The following HNRNPA2B1 variants were observed in gnomAD, a reference collection of about 807,000 sequenced individuals.
HNRNPA2B1 encodes the protein heterogeneous nuclear ribonucleoproteins A2/B1.
A neutral mutation model predicts 46.3 loss-of-function variants in HNRNPA2B1; 3 were observed. The observed-to-expected ratio is 0.06, with a 90% confidence interval of 0.03 to 0.17. The LOEUF is 0.17. Among genes scored for constraint, HNRNPA2B1 ranks in the 10% least tolerant of loss-of-function variants. The pLI is 1.00. For missense variants in HNRNPA2B1, 221 were observed against 418.9 expected, an observed-to-expected ratio of 0.53 and a Z score of 4.12; for synonymous variants, 225 against 133.8, an observed-to-expected ratio of 1.68 and a Z score of -4.70.
At chr7:26,195,398 G>GA (rs1583982445) in intron 7 of HNRNPA2B1, among the ~76,000 whole-genome samples, 1 of 152,180 alleles carries the variant, frequency 6.6e-6, no homozygotes, top group Admixed American at 6.5e-5. Flanking sequence ...CTGCAGCCAG[G>GA]AGCACACTAA....
At chr7:26,200,085 AAAAT>A (rs1784215217) in intron 1 of HNRNPA2B1, 1 of 174,356 alleles carries the variant, frequency 5.7e-6, no homozygotes, top group Non-Finnish European at 1.3e-5. Flanking sequence ...GCACACTAAG[AAAAT>A]AAAAGAGTTA....
At chr7:26,193,109 A>C (rs1783098883) in intron 9 of HNRNPA2B1, 142 bp downstream of exon 9, 1 of 785,824 alleles carries the variant, frequency 1.3e-6, no homozygotes, top group Non-Finnish European at 2.0e-6. Context: ...AGATTTATGC[A>C]AAATTTCTTT....
At chr7:26,195,469 C>G (rs1481530800) in intron 7 of HNRNPA2B1, among the ~76,000 whole-genome samples, 3 of 152,032 alleles carry the variant, frequency 2.0e-5, no homozygotes, top group Non-Finnish European at 4.4e-5. Flanking sequence ...TGCTTCCCAT[C>G]TAGTTACGGG....
rs1038088427 is a variant in HNRNPA2B1, at chr7:26,193,151, C to T, written c.964+100G>A. 10 of 1,164,600 alleles carry T rather than the reference C, an allele frequency of 8.6e-6. No individual in the cohort carries two copies. In the African/African-American group the frequency reaches 1.5e-4, roughly 18 times the overall value. The allele number at this position is 1,164,600 out of a possible 1,614,324, so 72.1% of individuals were successfully genotyped here. A position where few individuals can be genotyped will look rare whatever the true frequency, so the allele number is the denominator to read the frequency against. ...ACTAAGACCGTACATGGAGCACTGC[C>T]CACAGTACAAACTACTTAGTATGTT... On this transcript the variant is annotated intron_variant, in intron 9 of 10. Transcript: ENST00000618183.
intron 1 of HNRNPA2B1, 163 bp downstream of exon 1, chr7:26,200,409 A>C: frequency 2.7e-6 from 2 of 748,628 alleles, no homozygotes; most frequent in Admixed American, 1.8e-5. Flanking sequence ...TTGTACGCTC[A>C]GGCCTCCGCT....
chr7:26,197,048 A>C (rs1313659634), intron 3 of HNRNPA2B1, 31 bp from the exon 4 acceptor site: 1 of 1,518,808 alleles, frequency 6.6e-7, no homozygotes, highest in Non-Finnish European at 9.1e-7. Context: ...AAGTCATCCA[A>C]ACAGAAAAAA....
chr7:26,193,131 G>A (rs1783102541), intron 9 of HNRNPA2B1, 120 bp downstream of exon 9: 8 of 948,600 alleles, frequency 8.4e-6, no homozygotes, highest in East Asian at 2.5e-5. Flanking sequence ...TTTTCACTAA[G>A]ACCGTACATG....
At chr7:26,198,861 C>T (rs897596005) in intron 1 of HNRNPA2B1, 7 of 152,190 alleles carry the variant, frequency 4.6e-5, no homozygotes, top group African/African-American at 1.4e-4. Context: ...TGCTCTCATC[C>T]CAGTTCTACG....
intron 6 of HNRNPA2B1, 58 bp from the exon 7 acceptor site, chr7:26,195,967 TATTC>T (rs1783560081): frequency 4.5e-6 from 7 of 1,541,620 alleles, no homozygotes; most frequent in East Asian, 4.6e-5. Context: ...TTATTGCTAA[TATTC>T]ATTTTCAGTT....
At chr7:26,196,273 G>A (rs1562712539) in intron 6 of HNRNPA2B1, 128 bp downstream of exon 6, 4 of 737,388 alleles carry the variant, frequency 5.4e-6, no homozygotes, top group East Asian at 2.7e-5. Context: ...AGCTTGCCAG[G>A]ATACAATCTA....
chr7:26,200,121 G>A (rs567917446), intron 1 of HNRNPA2B1: 72 of 207,444 alleles, frequency 3.5e-4, no homozygotes, highest in African/African-American at 1.6e-3. Flanking sequence ...CTGAGAGGAA[G>A]GCGAGCCATG....
chr7:26,197,210 T>C (rs768615027), intron 3 of HNRNPA2B1, 105 bp downstream of exon 3: 34 of 1,379,466 alleles, frequency 2.5e-5, no homozygotes, highest in Non-Finnish European at 3.4e-5. Flanking sequence ...ACACCTTTAA[T>C]AAGAGAAAAA....
At chr7:26,197,593 A>C (rs760266653) in intron 2 of HNRNPA2B1, 29 bp downstream of exon 2, 2 of 1,575,514 alleles carry the variant, frequency 1.3e-6, no homozygotes, top group East Asian at 2.2e-5. Context: ...AAAGACTAAT[A>C]TCCAGTAACA....
chr7:26,198,703 C>T (rs1441966870), intron 1 of HNRNPA2B1: 1 of 152,222 alleles, frequency 6.6e-6, no homozygotes, highest in African/African-American at 2.4e-5. Context: ...TTAAGGAAAC[C>T]TGTCTTAAAA....
At chr7:26,192,366 A>C in intron 10 of HNRNPA2B1, 28 bp from the exon 11 acceptor site, 4 of 690,938 alleles carry the variant, frequency 5.8e-6, no homozygotes, top group Non-Finnish European at 1.0e-5. Flanking sequence ...AAGAGTAAAA[A>C]AAAAATAGGT....
chr7:26,193,115 T>C (rs1289385385), intron 9 of HNRNPA2B1, 136 bp downstream of exon 9: 5 of 810,338 alleles, frequency 6.2e-6, no homozygotes, highest in East Asian at 2.6e-5. Context: ...ATGCAAAATT[T>C]CTTTATTTTC....
In HNRNPA2B1 at chr7:26,190,479, AG is replaced by A. The variant is rs1350790798; in HGVS notation, c.*1880del. The A allele has an allele frequency of 6.6e-6, 1 of 152,604 alleles. No homozygotes were observed. The highest frequency in any genetic ancestry group is 1.5e-5 in the Non-Finnish European group (1 of 68,030). 9.5% of individuals were successfully genotyped at this position (152,604 alleles called of 1,614,324 possible). On this transcript the variant is annotated 3_prime_UTR_variant, in exon 11 of 11. Coordinates refer to ENST00000618183, the MANE Select transcript of HNRNPA2B1 (RefSeq NM_002137.4). ...CACCTTCCTGCCAAAGGAAAAAAAA[AG>A]TATCTGAAGAAGTTTATCATGTTTG...
At chr7:26,194,458 G>T (rs1244464278) in intron 7 of HNRNPA2B1, among the ~76,000 whole-genome samples, 1 of 151,988 alleles carries the variant, frequency 6.6e-6, no homozygotes, top group African/African-American at 2.4e-5. Context: ...CAGCAGTACG[G>T]GAAGTTGAGG....
chr7:26,196,730 A>G (rs1362155665), intron 4 of HNRNPA2B1, 72 bp from the exon 5 acceptor site: 8 of 1,569,116 alleles, frequency 5.1e-6, no homozygotes, highest in Non-Finnish European at 6.1e-6. Flanking sequence ...TTTACCTTTC[A>G]ATAAAGTTAC....
Sources: gnomAD v4.1 joint callset for allele counts (sites outside exome capture counted in the v4.1 genomes callset) on GRCh38, gnomAD v4.1.1 for gene constraint, MANE v1.5 for transcripts, NCBI Gene and HGNC (gene_info 2026-07-23, HGNC 2026-07-21) for gene names.